Variants in ATP6V0A4 observed in about 807,000 individuals in gnomAD.
ATP6V0A4 encodes V-type proton ATPase 116 kDa subunit a 4.
In ATP6V0A4, 86 loss-of-function variants were observed where a neutral mutation model predicts 107.3. That is an observed-to-expected ratio of 0.80 (90% CI 0.67 to 0.96). The LOEUF (loss-of-function observed/expected upper bound fraction) is 0.96. ATP6V0A4 is among the 40% of genes least tolerant of loss of function. ATP6V0A4 has a pLI of 0.00. For missense variants in ATP6V0A4, 908 were observed against 1,045.6 expected (o/e 0.87, Z 1.81); for synonymous variants, 353 against 381.4 (o/e 0.93, Z 0.87).
chr7:138,787,019 G>A (rs1808207159), intron 1 of ATP6V0A4, among the ~76,000 whole-genome samples: 1 of 152,048 alleles, frequency 6.6e-6, no homozygotes, highest in African/African-American at 2.4e-5. Flanking sequence ...AAGAAACTTC[G>A]AGATCACCTG....
intron 2 of ATP6V0A4, among the ~76,000 whole-genome samples, chr7:138,785,346 G>A (rs943401385): frequency 1.3e-5 from 2 of 149,280 alleles, no homozygotes; most frequent in Admixed American, 6.8e-5. Flanking sequence ...CGTGATCTCA[G>A]CTCACTGCAA....
At chr7:138,769,437 C>A in intron 3 of ATP6V0A4, 186 bp from the exon 4 acceptor site, 2 of 554,986 alleles carry the variant, frequency 3.6e-6, no homozygotes, top group Non-Finnish European at 4.6e-6. Flanking sequence ...GCCTCAGCCT[C>A]CCAAGTAACT....
At chr7:138,732,186 T>C (rs1805054692) in intron 17 of ATP6V0A4, among the ~76,000 whole-genome samples, 1 of 152,198 alleles carries the variant, frequency 6.6e-6, no homozygotes, top group Admixed American at 6.5e-5. Context: ...TTAATTTAGC[T>C]AGAGTTCACT....
At chr7:138,777,176 G>T (rs529996619) in intron 2 of ATP6V0A4, among the ~76,000 whole-genome samples, 90 of 152,014 alleles carry the variant, frequency 5.9e-4, no homozygotes, top group Admixed American at 1.4e-3. Context: ...AAAAGTATGT[G>T]TATGGTATGT....
chr7:138,712,243 TTCCTTAAAGTGGA>T, intron 20 of ATP6V0A4, among the ~76,000 whole-genome samples: 1 of 152,234 alleles, frequency 6.6e-6, no homozygotes, highest in South Asian at 2.1e-4. Context: ...CCCCACTTTG[TTCCTTAAAGTGGA>T]TCTCAGCGCT....
At chr7:138,780,419 C>T (rs899733401) in intron 2 of ATP6V0A4, among the ~76,000 whole-genome samples, 2 of 152,178 alleles carry the variant, frequency 1.3e-5, no homozygotes, top group Non-Finnish European at 2.9e-5. Flanking sequence ...TCCCCTCCAG[C>T]TATGTGGCCC....
At chr7:138,727,109 T>C in intron 18 of ATP6V0A4, among the ~76,000 whole-genome samples, 1 of 66,228 alleles carries the variant, frequency 1.5e-5, no homozygotes, top group Non-Finnish European at 2.7e-5. Context: ...TGAGAGCTCA[T>C]CTCAAAAAAA....
At chr7:138,723,402 G>A (rs1413227267) in intron 18 of ATP6V0A4, among the ~76,000 whole-genome samples, 2 of 152,038 alleles carry the variant, frequency 1.3e-5, no homozygotes, top group African/African-American at 4.8e-5. Flanking sequence ...AAGTGTGAAT[G>A]GTATATTTCT....
At chr7:138,717,909 G>GAA (rs55813379) in intron 19 of ATP6V0A4, among the ~76,000 whole-genome samples, 8,060 of 70,188 alleles carry the variant, frequency 0.11, 439 homozygotes, top group South Asian at 0.16. Context: ...CTCTGTCTCG[G>GAA]AAAAAAAAAA....
chr7:138,785,691 G>A (rs1422162323), intron 2 of ATP6V0A4, among the ~76,000 whole-genome samples: 4 of 151,890 alleles, frequency 2.6e-5, no homozygotes, highest in Non-Finnish European at 4.4e-5. Flanking sequence ...ATTTGAGGTT[G>A]CTAAAAAAAA....
chr7:138,776,173 T>C (rs144144964), intron 2 of ATP6V0A4, among the ~76,000 whole-genome samples: 1,565 of 152,288 alleles, frequency 0.01, 11 homozygotes, highest in Non-Finnish European at 0.017. Context: ...ATTAGAACGA[T>C]TGTTTAGAGA....
intron 5 of ATP6V0A4, among the ~76,000 whole-genome samples, chr7:138,766,491 C>T (rs1035431543): frequency 1.3e-5 from 2 of 152,156 alleles, no homozygotes; most frequent in Non-Finnish European, 2.9e-5. Context: ...CAGGCGTAAG[C>T]CACTGCGCCT....
chr7:138,787,277 C>T (rs1476757357), intron 1 of ATP6V0A4, among the ~76,000 whole-genome samples: 1 of 152,124 alleles, frequency 6.6e-6, no homozygotes, highest in Non-Finnish European at 1.5e-5. Flanking sequence ...CAGAGTCCTG[C>T]GGACCCCAGA....
At chr7:138,751,609 A>G (rs1806228666) in intron 11 of ATP6V0A4, among the ~76,000 whole-genome samples, 2 of 151,576 alleles carry the variant, frequency 1.3e-5, no homozygotes, top group Admixed American at 6.6e-5. Flanking sequence ...TAGAATGTCT[A>G]TCAAAGCAGG....
rs181496093 is a variant in ATP6V0A4 at position 138,763,654 on chromosome 7, A to G, written c.292-629T>C. Among the ~76,000 whole-genome samples, 398 of 151,894 alleles carry G rather than the reference A, an allele frequency of 2.6e-3. 1 individual carries two copies. Among genetic ancestry groups the G allele is most frequent in the South Asian group, 4.2e-3 (20 of 4,808 alleles). On this transcript the variant is annotated intron_variant, in intron 5 of 21. Transcript: ENST00000310018. Reference sequence around the variant, plus strand: ...AAAAAATAAATAAATAACAATAAAAATAACTTCAGAAACATTAAACAATAT... The same window carrying G: ...AAAAAATAAATAAATAACAATAAAAGTAACTTCAGAAACATTAAACAATAT...
intron 9 of ATP6V0A4, chr7:138,756,015 C>T: frequency 1.4e-6 from 1 of 702,552 alleles, no homozygotes; most frequent in Non-Finnish European, 2.3e-6. Context: ...TCATTCAAAC[C>T]ATAAAACCTG....
chr7:138,781,540 C>G (rs1294211611), intron 2 of ATP6V0A4, among the ~76,000 whole-genome samples: 1 of 152,140 alleles, frequency 6.6e-6, no homozygotes, highest in African/African-American at 2.4e-5. Context: ...CCATCTTGGC[C>G]AGGCTGGTCT....
intron 2 of ATP6V0A4, among the ~76,000 whole-genome samples, chr7:138,777,633 TACACACAC>T (rs1176566807): frequency 1.9e-5 from 2 of 106,376 alleles, no homozygotes; most frequent in East Asian, 6.8e-4. Flanking sequence ...AAAAAAAAAA[TACACACAC>T]ACACACACAC....
At chr7:138,726,924 C>G (rs1804752514) in intron 18 of ATP6V0A4, among the ~76,000 whole-genome samples, 1 of 151,980 alleles carries the variant, frequency 6.6e-6, no homozygotes, top group African/African-American at 2.4e-5. Context: ...AGATCAGCAA[C>G]TATTTAAAGA....
Sources: allele counts gnomAD v4.1 joint callset (sites outside exome capture counted in the v4.1 genomes callset), GRCh38; gene constraint gnomAD v4.1.1; transcripts MANE v1.5; gene names NCBI Gene and HGNC (gene_info 2026-07-23, HGNC 2026-07-21).